THSD7B: variants seen among roughly 807,000 people sequenced by gnomAD.
THSD7B encodes thrombospondin type-1 domain-containing protein 7B.
A neutral mutation model predicts 213.6 loss-of-function variants in THSD7B; 138 were observed. The observed-to-expected ratio is 0.65, with a 90% CI of 0.56 to 0.74. THSD7B has a LOEUF of 0.74. Ranked by LOEUF, THSD7B falls within the 30% of genes least tolerant of loss-of-function variation. The pLI, the probability that THSD7B is intolerant of heterozygous loss-of-function variation, is 0.00. For missense variants in THSD7B, 1,931 were observed against 1,991.5 expected (o/e 0.97, Z 0.58); for synonymous variants, 742 against 687.0 (o/e 1.08, Z -1.25).
chr2:137,102,079 C>G (rs1688161189), intron 4 of THSD7B, among the ~76,000 whole-genome samples: 1 of 152,224 alleles, frequency 6.6e-6, no homozygotes, highest in South Asian at 2.1e-4. Context: ...TCCCTGACCC[C>G]CATGCCTCCT....
intron 2 of THSD7B, among the ~76,000 whole-genome samples, chr2:136,938,589 A>G (rs1233333170): frequency 6.6e-6 from 1 of 152,158 alleles, no homozygotes; most frequent in African/African-American, 2.4e-5. Flanking sequence ...AACCAAAAAC[A>G]TTCTTTTCCT....
intron 15 of THSD7B, among the ~76,000 whole-genome samples, chr2:137,485,447 A>G (rs925633876): frequency 1.2e-4 from 19 of 152,280 alleles, no homozygotes; most frequent in Admixed American, 8.5e-4. Flanking sequence ...GTTTGAAGTC[A>G]GGTATCATGA....
At chr2:137,348,153 A>C (rs1480323454) in intron 12 of THSD7B, among the ~76,000 whole-genome samples, 1 of 151,708 alleles carries the variant, frequency 6.6e-6, no homozygotes, top group Non-Finnish European at 1.5e-5. Context: ...GAAAGAACCA[A>C]ATGCAAAATT....
intron 14 of THSD7B, among the ~76,000 whole-genome samples, chr2:137,419,709 C>T (rs1686881842): frequency 6.6e-6 from 1 of 151,830 alleles, no homozygotes; most frequent in African/African-American, 2.4e-5. Flanking sequence ...GTGGAAAGCA[C>T]AGCACACAGT....
chr2:136,887,471 G>T (rs60051617), intron 2 of THSD7B, among the ~76,000 whole-genome samples: 4,960 of 152,156 alleles, frequency 0.033, 143 homozygotes, highest in East Asian at 0.093. Flanking sequence ...TGGATCATGA[G>T]GGGGGATCCC....
intron 12 of THSD7B, among the ~76,000 whole-genome samples, chr2:137,373,549 G>GT (rs1381944392): frequency 2.6e-5 from 4 of 152,202 alleles, no homozygotes; most frequent in African/African-American, 9.6e-5. Context: ...GGGGTTGTTT[G>GT]TTTTTTTCTT....
At chr2:137,252,305 G>A (rs931485747) in intron 10 of THSD7B, among the ~76,000 whole-genome samples, 1 of 151,428 alleles carries the variant, frequency 6.6e-6, no homozygotes, top group African/African-American at 2.4e-5. Flanking sequence ...GGGTTGGGGG[G>A]CTTGATGGGA....
intron 12 of THSD7B, among the ~76,000 whole-genome samples, chr2:137,322,042 A>G (rs920144899): frequency 6.6e-6 from 1 of 152,194 alleles, no homozygotes; most frequent in African/African-American, 2.4e-5. Context: ...TACTTCTCAT[A>G]TGTTGGATTA....
intron 2 of THSD7B, among the ~76,000 whole-genome samples, chr2:136,945,226 TTA>T (rs904299091): frequency 2.0e-5 from 3 of 152,206 alleles, no homozygotes; most frequent in Admixed American, 1.3e-4. Context: ...CCCAACTCTC[TTA>T]TGTAGAGTTT....
intron 5 of THSD7B, among the ~76,000 whole-genome samples, chr2:137,118,221 A>C (rs1688479456): frequency 6.6e-6 from 1 of 152,312 alleles, no homozygotes; most frequent in East Asian, 1.9e-4. Context: ...CTTACCTGCA[A>C]AATAAAAGCT....
Position 137,326,489 on chromosome 2 carries a change from A to C in THSD7B, c.2500+50463A>C, listed in dbSNP as rs139857173. Among the ~76,000 whole-genome samples, 529 of 152,238 alleles carry C rather than the reference A, an allele frequency of 3.5e-3. 4 individuals carry two copies. Among genetic ancestry groups the C allele is most frequent in the African/African-American group, 0.012 (489 of 41,538 alleles). On this transcript the variant is annotated intron_variant, in intron 12 of 27. Coordinates refer to ENST00000409968, the MANE Select transcript of THSD7B (RefSeq NM_001316349.2). ...CTAAAAACAACTAAATGTAAAAAAA[A>C]CTTCAAAGCAGGTTATACAAAGCCA...
chr2:137,136,093 A>G (rs1189331425), intron 5 of THSD7B, among the ~76,000 whole-genome samples: 1 of 152,122 alleles, frequency 6.6e-6, no homozygotes, highest in Non-Finnish European at 1.5e-5. Context: ...ATAAGTGGGA[A>G]TTGAACAATG....
intron 3 of THSD7B, among the ~76,000 whole-genome samples, chr2:137,067,502 T>C (rs1169999796): frequency 6.6e-6 from 1 of 152,098 alleles, no homozygotes; most frequent in Non-Finnish European, 1.5e-5. Flanking sequence ...ATTTTTTCCA[T>C]TGTAACCCCC....
chr2:137,540,674 G>A (rs1011902365), intron 15 of THSD7B, among the ~76,000 whole-genome samples: 2 of 151,702 alleles, frequency 1.3e-5, no homozygotes, highest in South Asian at 4.1e-4. Context: ...GGTACAAACA[G>A]CTTTTTCTCT....
At chr2:137,337,355 T>A (rs1684661134) in intron 12 of THSD7B, among the ~76,000 whole-genome samples, 1 of 152,130 alleles carries the variant, frequency 6.6e-6, no homozygotes, top group Admixed American at 6.6e-5. Flanking sequence ...TCTCATTTAT[T>A]TCACAGCACG....
Position 137,004,252 on chromosome 2 carries a change from T to G in THSD7B, c.140-52168T>G, listed in dbSNP as rs116871448. Among the ~76,000 whole-genome samples, 668 of 151,450 alleles carry G rather than the reference T, an allele frequency of 4.4e-3. 11 individuals carry two copies. The highest frequency in any genetic ancestry group is 0.03 in the Admixed American group (453 of 15,186). Reference sequence around the variant, plus strand: ...TTATAGATAGGGCTGCTGACCTTTATCCACCTTCATCCTCCTTCCCGTGAC... The same window carrying G: ...TTATAGATAGGGCTGCTGACCTTTAGCCACCTTCATCCTCCTTCCCGTGAC... On this transcript the variant is annotated intron_variant, in intron 2 of 27. Transcript: ENST00000409968.
intron 15 of THSD7B, among the ~76,000 whole-genome samples, chr2:137,454,429 T>TC (rs1687720901): frequency 2.1e-5 from 1 of 48,154 alleles, no homozygotes. Flanking sequence ...TGTCTGTCTA[T>TC]CTATCTATCT....
At chr2:137,463,222 C>T (rs1687924824) in intron 15 of THSD7B, among the ~76,000 whole-genome samples, 1 of 152,050 alleles carries the variant, frequency 6.6e-6, no homozygotes, top group African/African-American at 2.4e-5. Context: ...AGCCAGGGGG[C>T]AACTACAACA....
intron 1 of THSD7B, among the ~76,000 whole-genome samples, chr2:136,767,020 G>T (rs1681411010): frequency 6.6e-6 from 1 of 151,874 alleles, no homozygotes; most frequent in Admixed American, 6.6e-5. Context: ...GCGTGTGAAC[G>T]TGTGTGTTTG....
Sources: allele counts gnomAD v4.1 joint callset (sites outside exome capture counted in the v4.1 genomes callset), GRCh38; gene constraint gnomAD v4.1.1; transcripts MANE v1.5; gene names NCBI Gene and HGNC (gene_info 2026-07-23, HGNC 2026-07-21).